Variants in DGKB observed in about 807,000 individuals in gnomAD.
DGKB encodes diacylglycerol kinase beta.
Under a neutral mutation model 114.3 loss-of-function variants are expected in DGKB, and 67 were observed. That is an observed-to-expected ratio of 0.59 (90% CI 0.48 to 0.72). DGKB has a LOEUF of 0.72. Among genes scored for constraint, DGKB ranks in the 30% least tolerant of loss-of-function variants. DGKB has a pLI of 0.00. For synonymous variants in DGKB, 398 were observed against 323.1 expected (o/e 1.23, Z -2.49); for missense variants, 907 against 975.2 (o/e 0.93, Z 0.93).
At chr7:14,751,709 T>A (rs1172084922) in intron 4 of DGKB, among the ~76,000 whole-genome samples, 3 of 152,164 alleles carry the variant, frequency 2.0e-5, no homozygotes, top group Non-Finnish European at 4.4e-5. Context: ...ACACGTCATG[T>A]TCCCCACTCC....
chr7:14,943,770 A>G (rs1785704111), intron 1 of DGKB, among the ~76,000 whole-genome samples: 1 of 151,898 alleles, frequency 6.6e-6, no homozygotes, highest in Non-Finnish European at 1.5e-5. Context: ...TTAAAATAAC[A>G]TATTAGTTAT....
At chr7:14,671,114 T>G (rs1316401040) in intron 13 of DGKB, among the ~76,000 whole-genome samples, 2 of 152,106 alleles carry the variant, frequency 1.3e-5, no homozygotes, top group Non-Finnish European at 2.9e-5. Context: ...TAAATTAACA[T>G]GGTAATGCAA....
intron 13 of DGKB, among the ~76,000 whole-genome samples, chr7:14,636,606 C>T (rs967126542): frequency 2.0e-5 from 3 of 151,802 alleles, no homozygotes; most frequent in South Asian, 2.1e-4. Flanking sequence ...GTACAAGATA[C>T]GATAACTATA....
intron 14 of DGKB, among the ~76,000 whole-genome samples, chr7:14,625,062 G>A (rs1248164777): frequency 3.3e-5 from 5 of 151,972 alleles, no homozygotes; most frequent in Non-Finnish European, 7.4e-5. Flanking sequence ...TTCAACTTAT[G>A]AGATTTCATT....
chr7:14,547,852 T>C (rs1202468521), intron 20 of DGKB, among the ~76,000 whole-genome samples: 3 of 152,312 alleles, frequency 2.0e-5, no homozygotes, highest in East Asian at 3.9e-4. Context: ...AAATCATTCA[T>C]GTCAGACAGA....
intron 21 of DGKB, among the ~76,000 whole-genome samples, chr7:14,430,043 C>G (rs150703095): frequency 2.5e-3 from 380 of 152,180 alleles, no homozygotes; most frequent in African/African-American, 8.6e-3. Context: ...ATTGTTTGCT[C>G]TTTCTAGACT....
chr7:14,207,566 G>A lies in DGKB; in HGVS notation c.2123-29415C>T, dbSNP rs548271579. On this transcript the variant is annotated intron_variant, in intron 23 of 25. Transcript: ENST00000402815. Reference sequence around the variant, plus strand: ...GCAATGTACTTGGTGAGTGGTTCCTGGCTGTATGGCTTTTAAGCCTAATTA... The same window carrying A: ...GCAATGTACTTGGTGAGTGGTTCCTAGCTGTATGGCTTTTAAGCCTAATTA... 2.6e-5 allele frequency among the ~76,000 whole-genome samples: 4 copies of A among 152,116 alleles called. No individual in the cohort carries two copies. In the South Asian group the frequency reaches 8.3e-4, roughly 32 times the overall value.
intron 13 of DGKB, among the ~76,000 whole-genome samples, chr7:14,667,836 C>T (rs141782312): frequency 3.3e-5 from 5 of 152,134 alleles, no homozygotes; most frequent in East Asian, 1.9e-4. Flanking sequence ...AAGAAAGTAA[C>T]CTTTTAATTC....
intron 1 of DGKB, among the ~76,000 whole-genome samples, chr7:14,845,320 T>C (rs1436868501): frequency 1.3e-5 from 2 of 152,158 alleles, no homozygotes; most frequent in Non-Finnish European, 2.9e-5. Context: ...ATTCATTTTT[T>C]ACATTTGTTT....
At chr7:14,788,375 T>C (rs919369408) in intron 2 of DGKB, among the ~76,000 whole-genome samples, 3 of 152,240 alleles carry the variant, frequency 2.0e-5, no homozygotes, top group African/African-American at 7.2e-5. Flanking sequence ...TTCTGTGTTT[T>C]CATGCTTTGA....
intron 1 of DGKB, among the ~76,000 whole-genome samples, chr7:14,870,363 T>C (rs112741288): frequency 6.6e-6 from 1 of 152,238 alleles, no homozygotes. Context: ...GAGTTAATTC[T>C]GTAGAAAATA....
At chr7:14,916,477 CA>C (rs1784245423) in intron 1 of DGKB, among the ~76,000 whole-genome samples, 1 of 151,964 alleles carries the variant, frequency 6.6e-6, no homozygotes, top group Non-Finnish European at 1.5e-5. Context: ...TAATGCTAAT[CA>C]AAGTAAAGCT....
At position 14,426,709 on chromosome 7, in the gene DGKB, T is replaced by G. The variant is rs192152284; in HGVS notation, c.1835+51452A>C. On this transcript the variant is annotated intron_variant, in intron 21 of 25. Coordinates refer to ENST00000402815, the MANE Select transcript of DGKB (RefSeq NM_001350709.2). ...GGAAGCTATTGTGGGGCCTTCAATT[T>G]AAAATTTGTTGAATTTGTGTACTTA... Among the ~76,000 whole-genome samples, 66 of 152,222 alleles carry G rather than the reference T, an allele frequency of 4.3e-4. No individual in the cohort carries two copies. In the Middle Eastern group the frequency reaches 0.01, roughly 24 times the overall value.
At chr7:14,263,457 T>C (rs1256144587) in intron 23 of DGKB, among the ~76,000 whole-genome samples, 1 of 152,202 alleles carries the variant, frequency 6.6e-6, no homozygotes, top group Non-Finnish European at 1.5e-5. Context: ...AACTTTTAGA[T>C]TGCTATTCCT....
chr7:14,648,096 TTA>T (rs1263483314), intron 13 of DGKB, among the ~76,000 whole-genome samples: 3 of 152,042 alleles, frequency 2.0e-5, no homozygotes, highest in African/African-American at 7.2e-5. Context: ...CCAGGCTTGA[TTA>T]GGTAAACAAA....
In DGKB at chr7:14,381,914, C is replaced by CA. The variant is rs201762493; in HGVS notation, c.1836-36524dup. ...AAGGAGGAATAGCACCCAAACTCAG[C>CA]AAGCAACCCAGAGCTCTAGTTCTTG... On this transcript the variant is annotated intron_variant, in intron 21 of 25. Transcript: ENST00000402815. Among the ~76,000 whole-genome samples, 1,021 of 152,316 alleles carry CA rather than the reference C, an allele frequency of 6.7e-3. 4 individuals are homozygous for CA. The highest frequency in any genetic ancestry group is 0.017 in the Middle Eastern group (5 of 294).
At chr7:14,721,832 A>G (rs1275893103) in intron 5 of DGKB, among the ~76,000 whole-genome samples, 1 of 151,690 alleles carries the variant, frequency 6.6e-6, no homozygotes, top group African/African-American at 2.4e-5. Flanking sequence ...TAAAAAGAAA[A>G]TTGTAGAACA....
chr7:14,910,756 C>T (rs1442297938), intron 1 of DGKB, among the ~76,000 whole-genome samples: 1 of 152,098 alleles, frequency 6.6e-6, no homozygotes, highest in Non-Finnish European at 1.5e-5. Flanking sequence ...TGCTACATTG[C>T]TTCTCCACTT....
intron 4 of DGKB, among the ~76,000 whole-genome samples, chr7:14,736,553 A>G (rs192320250): frequency 6.6e-6 from 1 of 152,328 alleles, no homozygotes; most frequent in African/African-American, 2.4e-5. Context: ...TGATTAAATC[A>G]GGCGATCACT....
Sources: allele counts gnomAD v4.1 joint callset (sites outside exome capture counted in the v4.1 genomes callset), GRCh38; gene constraint gnomAD v4.1.1; transcripts MANE v1.5; gene names NCBI Gene and HGNC (gene_info 2026-07-23, HGNC 2026-07-21).